MIGA1: variants seen among roughly 807,000 people sequenced by gnomAD.
MIGA1 encodes the protein family with sequence similarity 73, member A.
MIGA1 carries 58 observed loss-of-function variants against 82.0 expected under a neutral mutation model. That is an observed-to-expected ratio of 0.71 (90% CI 0.57 to 0.88). The LOEUF (loss-of-function observed/expected upper bound fraction) is 0.88, where lower values mean the gene tolerates loss of function less well. Among genes scored for constraint, MIGA1 ranks in the 40% least tolerant of loss-of-function variants. MIGA1 has a pLI of 0.00. For missense variants in MIGA1, 751 were observed against 749.1 expected (o/e 1.00, Z -0.03); for synonymous variants, 249 against 253.6 (o/e 0.98, Z 0.17).
intron 1 of MIGA1, chr1:77,782,734 A>G (rs1681978096): frequency 1.2e-5 from 3 of 245,664 alleles, no homozygotes; most frequent in Non-Finnish European, 2.0e-5. Flanking sequence ...TTAAAATGAG[A>G]CAATAGGAGA....
At chr1:77,811,318 G>C in intron 5 of MIGA1, 2 of 1,605,880 alleles carry the variant, frequency 1.2e-6, no homozygotes, top group South Asian at 1.1e-5. Context: ...TGGTAATAAA[G>C]TACCGGGAAC....
intron 3 of MIGA1, among the ~76,000 whole-genome samples, chr1:77,802,433 A>G (rs1682922118): frequency 6.6e-6 from 1 of 152,170 alleles, no homozygotes; most frequent in Admixed American, 6.6e-5. Context: ...AGGTCATATA[A>G]TTTATAAGTG....
chr1:77,796,188 G>A (rs1042205011), intron 2 of MIGA1, among the ~76,000 whole-genome samples: 9 of 149,458 alleles, frequency 6.0e-5, no homozygotes, highest in Admixed American at 5.4e-4. Context: ...GCATGATCTC[G>A]GCTCACTGCA....
chr1:77,826,122 G>A (rs1333998247), intron 7 of MIGA1, among the ~76,000 whole-genome samples: 1 of 152,136 alleles, frequency 6.6e-6, no homozygotes, highest in East Asian at 1.9e-4. Flanking sequence ...GTTATAGATA[G>A]GAGGATGTCA....
chr1:77,852,878 G>A (rs1685107118), intron 8 of MIGA1, among the ~76,000 whole-genome samples: 1 of 151,976 alleles, frequency 6.6e-6, no homozygotes, highest in Admixed American at 6.6e-5. Flanking sequence ...TTTAGTAGAG[G>A]CGGGGCTTCC....
At chr1:77,798,163 C>T (rs1034700530) in intron 2 of MIGA1, among the ~76,000 whole-genome samples, 13 of 152,148 alleles carry the variant, frequency 8.5e-5, no homozygotes, top group African/African-American at 2.9e-4. Context: ...TGGTGACTTA[C>T]AACAATAGAA....
intron 4 of MIGA1, among the ~76,000 whole-genome samples, chr1:77,804,907 A>T (rs1282005504): frequency 6.6e-6 from 1 of 151,894 alleles, no homozygotes; most frequent in Non-Finnish European, 1.5e-5. Flanking sequence ...GATTACAGGC[A>T]TGAGCCACCA....
At chr1:77,857,062 T>G (rs1318759548) in intron 8 of MIGA1, among the ~76,000 whole-genome samples, 1 of 152,190 alleles carries the variant, frequency 6.6e-6, no homozygotes, top group Admixed American at 6.5e-5. Flanking sequence ...CCAGAGGTTT[T>G]GATAGGTTGT....
At chr1:77,815,575 A>G (rs572323688) in intron 7 of MIGA1, among the ~76,000 whole-genome samples, 2 of 152,350 alleles carry the variant, frequency 1.3e-5, no homozygotes, top group African/African-American at 4.8e-5. Context: ...TGCATATAAT[A>G]TTACTTAAAA....
At chr1:77,852,978 A>G (rs1349597459) in intron 8 of MIGA1, among the ~76,000 whole-genome samples, 1 of 152,238 alleles carries the variant, frequency 6.6e-6, no homozygotes, top group East Asian at 1.9e-4. Context: ...GGAATGAGCC[A>G]CTGCACCCAG....
chr1:77,833,295 A>T (rs550084078), intron 7 of MIGA1, among the ~76,000 whole-genome samples: 1 of 152,228 alleles, frequency 6.6e-6, no homozygotes, highest in Non-Finnish European at 1.5e-5. Flanking sequence ...ATTGTACAAC[A>T]TATGAGAAAT....
intron 7 of MIGA1, among the ~76,000 whole-genome samples, chr1:77,832,977 C>A (rs1684296424): frequency 1.3e-5 from 2 of 152,184 alleles, no homozygotes; most frequent in South Asian, 4.1e-4. Flanking sequence ...AATTCTCTGG[C>A]AGAGCATAGG....
At chr1:77,868,908 T>C (rs1247543718) in intron 14 of MIGA1, among the ~76,000 whole-genome samples, 2 of 151,892 alleles carry the variant, frequency 1.3e-5, no homozygotes, top group South Asian at 2.1e-4. Context: ...AAATAGAAAC[T>C]AGCACATTTT....
intron 5 of MIGA1, among the ~76,000 whole-genome samples, chr1:77,812,887 C>T (rs1420599068): frequency 6.6e-6 from 1 of 152,116 alleles, no homozygotes; most frequent in Non-Finnish European, 1.5e-5. Context: ...CCAAATCCGC[C>T]TGTTGGGATC....
intron 13 of MIGA1, among the ~76,000 whole-genome samples, chr1:77,864,652 GACA>G (rs2101953013): frequency 6.6e-6 from 1 of 152,290 alleles, no homozygotes; most frequent in South Asian, 2.1e-4. Context: ...CTCCAGCCTG[GACA>G]ACAAGAGTGC....
At chr1:77,870,506 C>T in intron 14 of MIGA1, among the ~76,000 whole-genome samples, 3 of 118,304 alleles carry the variant, frequency 2.5e-5, no homozygotes, top group Admixed American at 8.1e-5. Flanking sequence ...CAGAGACGCT[C>T]CTCACTTCCT....
At chr1:77,825,136 G>T (rs953632913) in intron 7 of MIGA1, among the ~76,000 whole-genome samples, 2 of 151,568 alleles carry the variant, frequency 1.3e-5, no homozygotes, top group South Asian at 2.1e-4. Context: ...CTGCAGGTGC[G>T]CTGGGGACTA....
intron 8 of MIGA1, chr1:77,848,888 A>G: frequency 1.4e-6 from 1 of 716,688 alleles, no homozygotes; most frequent in Non-Finnish European, 2.1e-6. Context: ...GGAGTGTGTT[A>G]CCAGTAGTTT....
intron 2 of MIGA1, among the ~76,000 whole-genome samples, chr1:77,797,599 T>C (rs1682714491): frequency 6.6e-6 from 1 of 152,188 alleles, no homozygotes; most frequent in Admixed American, 6.5e-5. Flanking sequence ...CTATAATCCA[T>C]GAATATGATG....
Sources: allele counts gnomAD v4.1 joint callset (sites outside exome capture counted in the v4.1 genomes callset), GRCh38; gene constraint gnomAD v4.1.1; transcripts MANE v1.5; gene names NCBI Gene and HGNC (gene_info 2026-07-23, HGNC 2026-07-21).